The following MYO1B variants were observed in gnomAD, a reference collection of about 807,000 sequenced individuals.
MYO1B encodes the protein myosin IB, also known as unconventional myosin-Ib.
A neutral mutation model predicts 159.7 loss-of-function variants in MYO1B; 72 were observed. That is an observed-to-expected ratio of 0.45 (90% CI 0.37 to 0.55). MYO1B has a LOEUF of 0.55. Among genes scored for constraint, MYO1B ranks in the 20% least tolerant of loss-of-function variants. MYO1B has a pLI of 0.00. For synonymous variants in MYO1B, 468 were observed against 473.8 expected (o/e 0.99, Z 0.16); for missense variants, 1,062 against 1,364.8 (o/e 0.78, Z 3.50).
At chr2:191,395,376 C>T (rs1454354361) in intron 20 of MYO1B, among the ~76,000 whole-genome samples, 3 of 152,154 alleles carry the variant, frequency 2.0e-5, no homozygotes, top group African/African-American at 7.2e-5. Context: ...TTCCTCTGCC[C>T]ATCTATTGAT....
At chr2:191,371,156 A>G (rs1052834266) in intron 13 of MYO1B, 3 of 152,198 alleles carry the variant, frequency 2.0e-5, no homozygotes, top group Non-Finnish European at 4.4e-5. Flanking sequence ...GTTCACGGAA[A>G]TAAGAAGTAG....
chr2:191,249,642 T>C (rs1160936043), intron 1 of MYO1B, among the ~76,000 whole-genome samples: 3 of 152,238 alleles, frequency 2.0e-5, no homozygotes, highest in African/African-American at 4.8e-5. Context: ...TGTTTGTGGA[T>C]TCCTCAGAAT....
At chr2:191,274,789 C>T (rs115753965) in intron 1 of MYO1B, among the ~76,000 whole-genome samples, 3,059 of 152,282 alleles carry the variant, frequency 0.02, 91 homozygotes, top group African/African-American at 0.068. Flanking sequence ...TAGCATGGCA[C>T]GTGCCTCCCA....
At chr2:191,400,944 G>C (rs1559237302) in intron 23 of MYO1B, 109 bp downstream of exon 23, 1 of 1,047,776 alleles carries the variant, frequency 9.5e-7, no homozygotes, top group East Asian at 2.6e-5. Flanking sequence ...GGCTCACACT[G>C]GTGCATGTCC....
intron 3 of MYO1B, among the ~76,000 whole-genome samples, chr2:191,329,058 TCAA>T: frequency 6.6e-6 from 1 of 152,232 alleles, no homozygotes; most frequent in Non-Finnish European, 1.5e-5. Context: ...TAGTAGACTC[TCAA>T]CAAATACTTG....
intron 13 of MYO1B, among the ~76,000 whole-genome samples, chr2:191,374,793 G>T (rs1300683947): frequency 6.6e-6 from 1 of 152,126 alleles, no homozygotes; most frequent in African/African-American, 2.4e-5. Context: ...GAAGAAAATT[G>T]TAATGCAAAT....
At chr2:191,411,631 G>C (rs1375831089) in intron 27 of MYO1B, among the ~76,000 whole-genome samples, 3 of 152,166 alleles carry the variant, frequency 2.0e-5, no homozygotes, top group African/African-American at 7.2e-5. Flanking sequence ...AGTACTTTTT[G>C]AGTGTTGCTT....
At chr2:191,312,980 A>G (rs942060497) in intron 3 of MYO1B, among the ~76,000 whole-genome samples, 3 of 152,150 alleles carry the variant, frequency 2.0e-5, no homozygotes, top group Admixed American at 6.5e-5. Context: ...GAGACCTTGT[A>G]AGGGGGTATA....
chr2:191,362,276 AAG>A lies in MYO1B; in HGVS notation c.671_672del (p.Lys224ThrfsTer2). 6.2e-7 allele frequency: 1 copy of A among 1,613,420 alleles called. No individual in the cohort carries two copies. Among genetic ancestry groups the A allele is most frequent in the Non-Finnish European group, 8.5e-7 (1 of 1,179,506 alleles). On this transcript the variant is annotated frameshift_variant, in exon 9 of 31. Coordinates refer to ENST00000392318, the MANE Select transcript of MYO1B (RefSeq NM_001130158.3). LOFTEE classifies it high-confidence loss of function. ...GASEELLNKL[K>X]LERDFSRYNY... The stretch of plus-strand genomic sequence containing the variant: ...TGTCTTTGATTCAATAGATAAACTT[AAG>A]CTTGAGAGGGATTTCAGCAGGTATA...
intron 1 of MYO1B, among the ~76,000 whole-genome samples, chr2:191,260,517 A>G (rs1403177426): frequency 3.3e-5 from 5 of 151,908 alleles, no homozygotes; most frequent in African/African-American, 4.8e-5. Flanking sequence ...AAAAGAACAT[A>G]TTTTTTTTGA....
chr2:191,408,244 A>T, intron 25 of MYO1B, 55 bp downstream of exon 25: 1 of 1,275,824 alleles, frequency 7.8e-7, no homozygotes. Context: ...TACCCACCTA[A>T]TATCACCAAC....
At chr2:191,354,557 A>G (rs1456468172) in intron 7 of MYO1B, among the ~76,000 whole-genome samples, 1 of 152,116 alleles carries the variant, frequency 6.6e-6, no homozygotes, top group Non-Finnish European at 1.5e-5. Context: ...CTAATTATGA[A>G]TGGAGGCAAA....
intron 3 of MYO1B, among the ~76,000 whole-genome samples, chr2:191,327,509 A>G (rs1691179536): frequency 6.6e-6 from 1 of 152,246 alleles, no homozygotes; most frequent in African/African-American, 2.4e-5. Flanking sequence ...AAGTTCAGCC[A>G]TGGTAATGAC....
intron 1 of MYO1B, among the ~76,000 whole-genome samples, chr2:191,248,173 C>G (rs1685900458): frequency 6.6e-6 from 1 of 152,210 alleles, no homozygotes. Context: ...TTATAGCTAT[C>G]ATTTAGTATG....
chr2:191,342,188 G>A (rs1020168185), intron 5 of MYO1B, among the ~76,000 whole-genome samples: 1 of 152,194 alleles, frequency 6.6e-6, no homozygotes, highest in Non-Finnish European at 1.5e-5. Flanking sequence ...GTAGGTGGCT[G>A]CCATCTTGCT....
rs1697105369 is a variant in MYO1B, at chr2:191,409,141, C to T, written c.2729C>T (p.Thr910Ile). 1 of 1,612,682 alleles carries T rather than the reference C, an allele frequency of 6.2e-7. No individual in the cohort carries two copies. The highest frequency in any genetic ancestry group is 1.3e-5 in the African/African-American group (1 of 74,966). The change falls in exon 26 of 31, where the codon ACT becomes ATT. Residue 910 changes from threonine (T) to isoleucine (I), a missense_variant. By Grantham distance (89) the Thr-to-Ile change is moderately conservative. Around this residue, in one of 5 missense-constraint regions of MYO1B, gnomAD observed 609 missense variants for 744.4 expected, o/e 0.82. Transcript: ENST00000392318. The part of the protein sequence containing the change: ...PSRPYLFLDS[T>I]HKELKRIFHL... The stretch of plus-strand genomic sequence containing the variant: ...AGACCTTACTTATTCTTGGATTCTA[C>T]TCACAAGGAGCTAAAAAGGATTTTC...
At chr2:191,356,545 A>T (rs1693303411) in intron 7 of MYO1B, among the ~76,000 whole-genome samples, 1 of 152,124 alleles carries the variant, frequency 6.6e-6, no homozygotes, top group Middle Eastern at 3.2e-3. Flanking sequence ...CTTCATACAA[A>T]CATACGTTTA....
intron 28 of MYO1B, 119 bp downstream of exon 28, chr2:191,414,299 C>G (rs1247511918): frequency 1.6e-6 from 2 of 1,277,824 alleles, no homozygotes; most frequent in African/African-American, 3.0e-5. Context: ...ATGAAGGCGG[C>G]TATTTCCCCT....
At chr2:191,265,187 G>GTT (rs34417586) in intron 1 of MYO1B, among the ~76,000 whole-genome samples, 98 of 136,162 alleles carry the variant, frequency 7.2e-4, no homozygotes, top group African/African-American at 2.2e-3. Context: ...GAAGGCCCCT[G>GTT]TTTTTTTTTT....
Sources: allele counts gnomAD v4.1 joint callset (sites outside exome capture counted in the v4.1 genomes callset), GRCh38; gene constraint gnomAD v4.1.1; regional missense constraint gnomAD v4.1.1; transcripts MANE v1.5; gene names NCBI Gene and HGNC (gene_info 2026-07-23, HGNC 2026-07-21).